The following SCD5 variants were observed in gnomAD, a reference collection of about 807,000 sequenced individuals.
The protein encoded by SCD5 is stearoyl-CoA desaturase 5.
A neutral mutation model predicts 30.4 loss-of-function variants in SCD5; 20 were observed. That is an observed-to-expected ratio of 0.66 (90% CI 0.46 to 0.96). The LOEUF is 0.96. SCD5 is among the 40% of genes least tolerant of loss of function. SCD5 has a pLI of 0.00. For missense variants in SCD5, 381 were observed against 443.3 expected (o/e 0.86, Z 1.26); for synonymous variants, 173 against 176.4 (o/e 0.98, Z 0.16).
chr4:82,798,398 C>T lies in SCD5; in HGVS notation c.140G>A (p.Trp47Ter). The change falls in exon 1 of 5, where the codon TGG becomes TAG. Residue 47 changes from tryptophan to a stop codon, truncating the protein, a stop_gained. Transcript: ENST00000319540. LOFTEE classifies it high-confidence loss of function. ...CAAGCTCATCAGGACGACATTCCTC[C>T]AGACGATGTTCTGCCGCTGCCCGCG... is the stretch of plus-strand genomic sequence containing the variant. ...GARGQRQNIVWRNVVLMSLLH... is the reference protein window; with the variant it reads ...GARGQRQNIV 1 of 1,613,508 alleles carries T rather than the reference C, an allele frequency of 6.2e-7. No individual in the cohort carries two copies. The highest frequency in any genetic ancestry group is 8.5e-7 in the Non-Finnish European group (1 of 1,179,692).
chr4:82,746,900 C>A (rs148438977), intron 1 of SCD5, among the ~76,000 whole-genome samples: 1 of 152,106 alleles, frequency 6.6e-6, no homozygotes, highest in African/African-American at 2.4e-5. Context: ...CCTACCACAC[C>A]CCCAATCCTG....
intron 1 of SCD5, among the ~76,000 whole-genome samples, chr4:82,764,233 C>T (rs1358453366): frequency 6.6e-6 from 1 of 152,186 alleles, no homozygotes; most frequent in Non-Finnish European, 1.5e-5. Flanking sequence ...TCAAGAGCCA[C>T]ATGTGACTAG....
intron 1 of SCD5, among the ~76,000 whole-genome samples, chr4:82,798,019 C>T (rs537393909): frequency 1.3e-5 from 2 of 151,734 alleles, no homozygotes; most frequent in Non-Finnish European, 1.5e-5. Context: ...GACTCCGGGT[C>T]CCCCCCGGCT....
chr4:82,725,709 A>C (rs1486224857), intron 1 of SCD5, among the ~76,000 whole-genome samples: 2 of 151,944 alleles, frequency 1.3e-5, no homozygotes, highest in African/African-American at 2.4e-5. Flanking sequence ...AAAATACAAA[A>C]ATTAGCTGGG....
intron 2 of SCD5, among the ~76,000 whole-genome samples, chr4:82,703,699 G>C (rs748795284): frequency 1.3e-5 from 2 of 152,112 alleles, no homozygotes; most frequent in Non-Finnish European, 2.9e-5. Flanking sequence ...AAAAAAATCA[G>C]AGTTTTAGGC....
At chr4:82,712,256 A>ACG (rs1720110660) in intron 1 of SCD5, among the ~76,000 whole-genome samples, 1 of 29,796 alleles carries the variant, frequency 3.4e-5, no homozygotes, top group African/African-American at 2.1e-4. Context: ...ATATATATAT[A>ACG]TATATATATA....
At position 82,691,317 on chromosome 4, in the gene SCD5, C is replaced by T. The variant is rs376925424; in HGVS notation, c.364-10405G>A. On this transcript the variant is annotated intron_variant, in intron 2 of 4. Coordinates refer to ENST00000319540, the MANE Select transcript of SCD5 (RefSeq NM_001037582.3). ...TTGGGATTACAGCTGTGAGCCACTG[C>T]GCCTGGCCAGCAAGGCCATTCTTAA... is the stretch of plus-strand genomic sequence containing the variant. Among the ~76,000 whole-genome samples the T allele has an allele frequency of 1.2e-4, 18 of 152,272 alleles. 1 individual carries two copies. The highest frequency in any genetic ancestry group is 6.2e-4 in the South Asian group (3 of 4,824).
chr4:82,720,441 T>TAAAAAAAAAA (rs1553917690), intron 1 of SCD5, among the ~76,000 whole-genome samples: 9 of 77,892 alleles, frequency 1.2e-4, no homozygotes, highest in African/African-American at 2.7e-4. Flanking sequence ...AAGGCAAAAA[T>TAAAAAAAAAA]AAAAAAAAAA....
At chr4:82,750,868 C>T (rs1721087510) in intron 1 of SCD5, among the ~76,000 whole-genome samples, 1 of 152,140 alleles carries the variant, frequency 6.6e-6, no homozygotes, top group Non-Finnish European at 1.5e-5. Context: ...GCAGCAAATG[C>T]CAAAGAACTT....
chr4:82,713,750 A>G (rs570225866), intron 1 of SCD5, among the ~76,000 whole-genome samples: 10 of 152,254 alleles, frequency 6.6e-5, no homozygotes, highest in South Asian at 2.1e-4. Context: ...ACTAACCTCA[A>G]TTGGGCTTTA....
At chr4:82,784,358 T>C (rs1489713040) in intron 1 of SCD5, among the ~76,000 whole-genome samples, 4 of 152,134 alleles carry the variant, frequency 2.6e-5, no homozygotes, top group African/African-American at 9.7e-5. Flanking sequence ...GGAAAATGAA[T>C]TGTGAGTGAC....
In SCD5 at chr4:82,798,637, G is replaced by C. The variant is rs1043760386; in HGVS notation, c.-100C>G. On this transcript the variant is annotated 5_prime_UTR_variant, in exon 1 of 5. Transcript: ENST00000319540. ...GCGGGGGCTTCTGCCTTTTAGGGGG[G>C]AATTCTCCGCACGTCCAGTCCCCTC... 1 of 1,026,366 alleles carries C rather than the reference G, an allele frequency of 9.7e-7. No individual in the cohort carries two copies. The highest frequency in any genetic ancestry group is 1.4e-6 in the Non-Finnish European group (1 of 723,994). The allele number at this position is 1,026,366 out of a possible 1,614,324, so 63.6% of individuals were successfully genotyped here.
At chr4:82,718,784 G>T (rs539636021) in intron 1 of SCD5, among the ~76,000 whole-genome samples, 1 of 151,456 alleles carries the variant, frequency 6.6e-6, no homozygotes, top group Non-Finnish European at 1.5e-5. Context: ...TTGCCAAATC[G>T]CTTTAAGTTG....
intron 1 of SCD5, among the ~76,000 whole-genome samples, chr4:82,785,161 G>A (rs1721960299): frequency 6.6e-6 from 1 of 152,158 alleles, no homozygotes; most frequent in Non-Finnish European, 1.5e-5. Flanking sequence ...TAGGAAACCA[G>A]AATATGCCGC....
At chr4:82,643,972 C>T (rs1727592634) in intron 3 of SCD5, among the ~76,000 whole-genome samples, 1 of 152,150 alleles carries the variant, frequency 6.6e-6, no homozygotes, top group African/African-American at 2.4e-5. Context: ...GTGCTTTATC[C>T]CTGGTGTCTT....
chr4:82,746,817 G>GGA (rs1720993048), intron 1 of SCD5, among the ~76,000 whole-genome samples: 1 of 152,022 alleles, frequency 6.6e-6, no homozygotes, highest in Admixed American at 6.5e-5. Flanking sequence ...TTGGTCCTGC[G>GGA]CCCATGGACC....
intron 2 of SCD5, 85 bp from the exon 3 acceptor site, chr4:82,680,997 C>A (rs2276883): frequency 9.9e-6 from 11 of 1,115,264 alleles, no homozygotes; most frequent in Non-Finnish European, 1.5e-5. Context: ...TCCCCTCCCC[C>A]ACCAGTCCTC....
intron 2 of SCD5, chr4:82,692,242 C>A: frequency 6.4e-6 from 1 of 156,006 alleles, no homozygotes; most frequent in South Asian, 1.8e-4. Flanking sequence ...CTACTGCAAC[C>A]ACTGCCATGG....
intron 1 of SCD5, among the ~76,000 whole-genome samples, chr4:82,742,664 G>A (rs958459450): frequency 3.3e-5 from 5 of 152,194 alleles, no homozygotes; most frequent in African/African-American, 1.2e-4. Context: ...GCTCATGCCT[G>A]TAATCCCAGC....
Sources: gnomAD v4.1 joint callset for allele counts (sites outside exome capture counted in the v4.1 genomes callset) on GRCh38, gnomAD v4.1.1 for gene constraint, MANE v1.5 for transcripts, NCBI Gene and HGNC (gene_info 2026-07-23, HGNC 2026-07-21) for gene names.